Variants in CLIC5 observed in about 807,000 individuals in gnomAD.
CLIC5 encodes the protein chloride intracellular channel protein 5.
A neutral mutation model predicts 24.7 loss-of-function variants in CLIC5; 20 were observed. That is an observed-to-expected ratio of 0.81 (90% CI 0.57 to 1.18). The LOEUF is 1.18. Ranked by LOEUF, CLIC5 falls within the 50% of genes most tolerant of loss-of-function variation. The pLI, the probability that CLIC5 is intolerant of heterozygous loss-of-function variation, is 0.00. For missense variants in CLIC5, 341 were observed against 326.1 expected, an observed-to-expected ratio of 1.05 and a Z score of -0.35; for synonymous variants, 159 against 135.6, an observed-to-expected ratio of 1.17 and a Z score of -1.20.
chr6:46,094,189 C>A, the CLIC5 span, among the ~76,000 whole-genome samples: 1 of 152,352 alleles, frequency 6.6e-6, no homozygotes, highest in South Asian at 2.1e-4. Flanking sequence ...CCATCACCAA[C>A]ATTGGGGATT....
intron 1 of CLIC5, among the ~76,000 whole-genome samples, chr6:46,053,948 C>T (rs534320691): frequency 6.6e-6 from 1 of 152,204 alleles, no homozygotes; most frequent in Admixed American, 6.5e-5. Flanking sequence ...CAGCAGTCAG[C>T]AAGAAACTGT....
rs1766568730 is a variant in CLIC5, at chr6:46,006,132, AT to A, written c.63+9347del. ...TATATACACATGTATAAATACATAT[AT>A]ATATATATATATATATATATATATA... On this transcript the variant is annotated intron_variant, in intron 1 of 5. Transcript: ENST00000339561. 8.1e-5 allele frequency among the ~76,000 whole-genome samples: 3 copies of A among 36,880 alleles called. No homozygotes were observed. In the South Asian group the frequency reaches 3.5e-3, roughly 43 times the overall value. The allele number at this position is 36,880 out of a possible 152,430, so 24.2% of individuals were successfully genotyped here.
chr6:45,887,614 A>G (rs1418138316), intron 6 of CLIC5, among the ~76,000 whole-genome samples: 1 of 152,206 alleles, frequency 6.6e-6, no homozygotes, highest in Non-Finnish European at 1.5e-5. Flanking sequence ...TATATGAAAA[A>G]ACAGAGTCAC....
intron 1 of CLIC5, among the ~76,000 whole-genome samples, chr6:45,990,547 AG>A (rs1765899992): frequency 2.0e-5 from 3 of 152,238 alleles, no homozygotes; most frequent in Non-Finnish European, 4.4e-5. Flanking sequence ...GCCTGCCTGC[AG>A]GTGAGTTACC....
rs1232930188 is a variant in CLIC5 at position 45,899,481 on chromosome 6, A to T, written c.*3607T>A. 6.6e-6 allele frequency: 1 copy of T among 152,208 alleles called. No individual in the cohort carries two copies. The highest frequency in any genetic ancestry group is 2.4e-5 in the African/African-American group (1 of 41,448). 9.4% of individuals were successfully genotyped at this position (152,208 alleles called of 1,614,324 possible). ...CACCTGCTGCTTCTAGTTTAATTTA[A>T]TTTTAGACACACACTCTCACAGTGA... On this transcript the variant is annotated 3_prime_UTR_variant, in exon 6 of 6. Transcript: ENST00000339561.
At chr6:45,959,695 T>C (rs1257933728) in intron 1 of CLIC5, among the ~76,000 whole-genome samples, 2 of 152,190 alleles carry the variant, frequency 1.3e-5, no homozygotes, top group Non-Finnish European at 2.9e-5. Context: ...CCAGTTGCTC[T>C]TTCAGGTAAA....
the CLIC5 span, among the ~76,000 whole-genome samples, chr6:46,126,722 T>A: frequency 1.4e-4 from 21 of 152,234 alleles, no homozygotes; most frequent in African/African-American, 5.1e-4. Context: ...ATACTCTCCT[T>A]GACATTCAAT....
At chr6:46,124,771 T>C in the CLIC5 span, among the ~76,000 whole-genome samples, 2 of 151,766 alleles carry the variant, frequency 1.3e-5, no homozygotes, top group Middle Eastern at 6.8e-3. Context: ...GCAAAGGATA[T>C]GAACAGACAC....
At chr6:45,912,842 C>G in intron 5 of CLIC5, 1 of 791,804 alleles carries the variant, frequency 1.3e-6, no homozygotes, top group East Asian at 2.7e-5. Context: ...TTGGCTTGGC[C>G]CCAAATCCAA....
intron 4 of CLIC5, 172 bp from the exon 5 acceptor site, chr6:45,914,581 A>G (rs1762948692): frequency 4.1e-6 from 5 of 1,218,636 alleles, no homozygotes; most frequent in Non-Finnish European, 5.1e-6. Context: ...GTAGAAGTGT[A>G]CTAAATAGGC....
chr6:46,074,084 A>G (rs983624521), intron 1 of CLIC5, among the ~76,000 whole-genome samples: 1 of 152,198 alleles, frequency 6.6e-6, no homozygotes, highest in Non-Finnish European at 1.5e-5. Flanking sequence ...CAAATCAGTA[A>G]TGTTTTTTTA....
At position 45,997,037 on chromosome 6, in the gene CLIC5, A is replaced by G. The variant is rs1346973415; in HGVS notation, c.63+18443T>C. Among the ~76,000 whole-genome samples, 4 of 152,182 alleles carry G rather than the reference A, an allele frequency of 2.6e-5. No individual in the cohort carries two copies. The East Asian group carries it at 7.7e-4, about 29-fold the overall frequency. ...CCAAAAGACTATAAATCATGCTGCT[A>G]TAAAGACACATGCACACATATGTTT... On this transcript the variant is annotated intron_variant, in intron 1 of 5. Transcript: ENST00000339561.
At chr6:46,031,057 T>C (rs1163116006) in intron 1 of CLIC5, among the ~76,000 whole-genome samples, 1 of 152,220 alleles carries the variant, frequency 6.6e-6, no homozygotes, top group Non-Finnish European at 1.5e-5. Flanking sequence ...AGGCACATAG[T>C]ATATGTCTAT....
chr6:46,082,210 A>G (rs1247199323), upstream of CLIC5, among the ~76,000 whole-genome samples: 2 of 152,152 alleles, frequency 1.3e-5, no homozygotes, highest in Non-Finnish European at 2.9e-5. Context: ...GTGCATATGG[A>G]TACAGCATGT....
intron 1 of CLIC5, among the ~76,000 whole-genome samples, chr6:46,067,083 AG>A (rs1349467803): frequency 6.6e-6 from 1 of 152,158 alleles, no homozygotes; most frequent in Non-Finnish European, 1.5e-5. Flanking sequence ...GGTTTACAGC[AG>A]GGGAATTGAG....
chr6:45,993,893 G>A (rs934866618), intron 1 of CLIC5, among the ~76,000 whole-genome samples: 8 of 152,106 alleles, frequency 5.3e-5, no homozygotes, highest in Non-Finnish European at 1.2e-4. Context: ...AAATACATCC[G>A]TTCATGGGAA....
At chr6:46,096,844 C>A in the CLIC5 span, among the ~76,000 whole-genome samples, 2 of 152,122 alleles carry the variant, frequency 1.3e-5, no homozygotes, top group Non-Finnish European at 2.9e-5. Flanking sequence ...GATTTAATTT[C>A]TTTTATATGA....
the CLIC5 span, among the ~76,000 whole-genome samples, chr6:46,099,491 T>C: frequency 6.6e-6 from 1 of 152,164 alleles, no homozygotes; most frequent in East Asian, 1.9e-4. Context: ...AAAATTTAAA[T>C]ATATATAAAG....
intron 6 of CLIC5, among the ~76,000 whole-genome samples, chr6:45,882,424 C>T (rs1762271662): frequency 6.6e-6 from 1 of 152,274 alleles, no homozygotes; most frequent in Admixed American, 6.5e-5. Flanking sequence ...AACCTCAAGG[C>T]ACTCACAACT....
Sources: allele counts gnomAD v4.1 joint callset (sites outside exome capture counted in the v4.1 genomes callset), GRCh38; gene constraint gnomAD v4.1.1; transcripts MANE v1.5; gene names NCBI Gene and HGNC (gene_info 2026-07-23, HGNC 2026-07-21).